TRIM25: variants seen among roughly 807,000 people sequenced by gnomAD.
TRIM25 encodes tripartite motif containing 25, also known as E3 ubiquitin/ISG15 ligase TRIM25.
Under a neutral mutation model 65.2 loss-of-function variants are expected in TRIM25, and 45 were observed. The ratio of observed to expected loss-of-function variants is 0.69; its 90% CI spans 0.54 to 0.89. The LOEUF (loss-of-function observed/expected upper bound fraction) is 0.89. Ranked by LOEUF, TRIM25 falls within the 40% of genes least tolerant of loss-of-function variation. The probability of loss-of-function intolerance (pLI) is 0.00; values close to 1 mark genes in which losing one functional copy is unlikely to be tolerated. For missense variants in TRIM25, 714 were observed against 803.7 expected (o/e 0.89, Z 1.35); for synonymous variants, 321 against 340.4 (o/e 0.94, Z 0.63).
At chr17:56,904,573 T>G in intron 2 of TRIM25, 85 bp from the exon 3 acceptor site, 3 of 1,224,928 alleles carry the variant, frequency 2.4e-6, no homozygotes, top group Non-Finnish European at 3.5e-6. Context: ...GATGTGGAGT[T>G]CCAGGAACTC....
Position 56,895,619 on chromosome 17 carries a change from A to G in TRIM25, c.1181-15T>C, listed in dbSNP as rs764050099. The G allele has an allele frequency of 3.9e-6, 6 of 1,547,008 alleles. No individual in the cohort carries two copies. On this transcript the variant is annotated splice_polypyrimidine_tract_variant and intron_variant, in intron 6 of 8. Transcript: ENST00000316881. ...AGGGACAGGGGCTGGGGGTAAGGAA[A>G]GGGAAATATGATACAGAGCAACGGG... is the stretch of plus-strand genomic sequence containing the variant.
chr17:56,889,943 C>T lies in TRIM25; in HGVS notation c.*1757G>A, dbSNP rs145393283. On this transcript the variant is annotated 3_prime_UTR_variant, in exon 9 of 9. Coordinates refer to ENST00000316881, the MANE Select transcript of TRIM25 (RefSeq NM_005082.5). ...TTTCCTACAAAGATTATTGCTCTCC[C>T]GAGGAACTGAAAATCCTTGTTAGGA... The T allele has an allele frequency of 1.0e-5, 4 of 398,490 alleles. No homozygotes were observed. Among genetic ancestry groups the T allele is most frequent in the African/African-American group, 2.1e-5 (1 of 48,712 alleles). 24.7% of individuals were successfully genotyped at this position (398,490 alleles called of 1,614,324 possible). A position where few individuals can be genotyped will look rare whatever the true frequency, so the allele number is the denominator to read the frequency against.
At chr17:56,905,723 C>T (rs547902117) in intron 2 of TRIM25, among the ~76,000 whole-genome samples, 4 of 152,178 alleles carry the variant, frequency 2.6e-5, no homozygotes, top group South Asian at 4.2e-4. Flanking sequence ...CTTGGGAGAC[C>T]GAGGCAGGAG....
chr17:56,899,133 G>T lies in TRIM25; in HGVS notation c.1135C>A (p.Pro379Thr). Residue 379 changes from proline (P) to threonine (T), a missense_variant, in exon 5 of 9, where the codon CCT becomes ACT. Physicochemically the swap from Pro to Thr is conservative, Grantham distance 38. Coordinates refer to ENST00000316881, the MANE Select transcript of TRIM25 (RefSeq NM_005082.5). Reference protein sequence around the residue: ...DPASTHKSTRPVKKVSKEEKK... With the variant: ...DPASTHKSTRTVKKVSKEEKK... The stretch of plus-strand genomic sequence containing the variant: ...TACTTACTGGAGACCTTCTTCACAG[G>T]GCGTGTGGATTTGTGTGTGGACGCT... The T allele has an allele frequency of 1.2e-6, 2 of 1,614,162 alleles. No homozygotes were observed. The highest frequency in any genetic ancestry group is 1.7e-6 in the Non-Finnish European group (2 of 1,180,034).
intron 4 of TRIM25, 151 bp downstream of exon 4, chr17:56,901,268 G>T: frequency 1.2e-6 from 1 of 863,430 alleles, no homozygotes; most frequent in Non-Finnish European, 1.7e-6. Context: ...CTCCCCACCA[G>T]CCTCCAGACA....
chr17:56,895,104 A>G (rs1237366918), intron 8 of TRIM25, among the ~76,000 whole-genome samples: 1 of 152,228 alleles, frequency 6.6e-6, no homozygotes, highest in African/African-American at 2.4e-5. Flanking sequence ...GGTGAGCTCA[A>G]TTGGGCCAGA....
rs571248866 is a variant in TRIM25, at chr17:56,890,473, G to T, written c.*1227C>A. 1.9e-4 allele frequency: 76 copies of T among 397,540 alleles called. 1 individual carries two copies. Among genetic ancestry groups the T allele is most frequent in the South Asian group, 1.3e-3 (71 of 55,324 alleles). The allele number at this position is 397,540 out of a possible 1,614,324, so 24.6% of individuals were successfully genotyped here. A position where few individuals can be genotyped will look rare whatever the true frequency, so the allele number is the denominator to read the frequency against. On this transcript the variant is annotated 3_prime_UTR_variant, in exon 9 of 9. Transcript: ENST00000316881. ...GGGCCAGCCCCAGGCTCTGACTCAC[G>T]CAAGGGCCAGTGCTGGGTCTGCAGC...
Position 56,913,841 on chromosome 17 carries a change from A to C in TRIM25, c.148T>G (p.Cys50Gly). Residue 50 changes from cysteine (C) to glycine (G), a missense_variant, in exon 1 of 9, where the codon TGC (cysteine) becomes GGC (glycine). Cys to Gly is a radical substitution (Grantham distance 159). Around this residue, in one of 3 missense-constraint regions of TRIM25, gnomAD observed 291 missense variants for 281.8 expected, o/e 1.03. Coordinates refer to ENST00000316881, the MANE Select transcript of TRIM25 (RefSeq NM_005082.5). The surrounding 1 kb of genome is among the most constrained non-coding windows in gnomAD (Gnocchi z 6.1). ...TWAVQGSPYL[C>G]PQCRAVYQAR... ...TGGTAGACGGCGCGGCACTGCGGGC[A>C]CAGGTATGGCGAGCCCTGGACTGCC... 1 of 1,561,568 alleles carries C rather than the reference A, an allele frequency of 6.4e-7. No homozygotes were observed. Among genetic ancestry groups the C allele is most frequent in the Non-Finnish European group, 8.7e-7 (1 of 1,153,246 alleles).
chr17:56,897,199 T>C (rs1461280177), intron 5 of TRIM25, among the ~76,000 whole-genome samples: 2 of 152,214 alleles, frequency 1.3e-5, no homozygotes, highest in East Asian at 1.9e-4. Context: ...CAATCTGTGA[T>C]GTACAAGCCC....
rs772666533 is a variant in TRIM25 at position 56,913,844 on chromosome 17, G to C, written c.145C>G (p.Leu49Val). 3.8e-6 allele frequency: 6 copies of C among 1,561,720 alleles called. No homozygotes were observed. Among genetic ancestry groups the C allele is most frequent in the South Asian group, 1.2e-5 (1 of 85,428 alleles). ...ETWAVQGSPY[L>V]CPQCRAVYQA... ...TAGACGGCGCGGCACTGCGGGCACA[G>C]GTATGGCGAGCCCTGGACTGCCCAC... The change falls in exon 1 of 9, where the codon CTG (leucine) becomes GTG (valine). Residue 49 changes from leucine to valine, a missense_variant. Leu to Val is a conservative substitution (Grantham distance 32). Coordinates refer to ENST00000316881, the MANE Select transcript of TRIM25 (RefSeq NM_005082.5). The surrounding 1 kb of genome is among the most constrained non-coding windows in gnomAD (Gnocchi z 6.1).
chr17:56,897,327 G>A (rs1909313901), intron 5 of TRIM25, among the ~76,000 whole-genome samples: 1 of 152,114 alleles, frequency 6.6e-6, no homozygotes, highest in African/African-American at 2.4e-5. Context: ...CTGCCCACCT[G>A]CAGGACACCT....
At position 56,889,804 on chromosome 17, in the gene TRIM25, G is replaced by A; in HGVS notation, c.*1896C>T. ...AAGGCTTTCGTTTCAGAAAATCAAT[G>A]AAGATGCTTTTGATCATCTTCAAAA... On this transcript the variant is annotated 3_prime_UTR_variant, in exon 9 of 9. Coordinates refer to ENST00000316881, the MANE Select transcript of TRIM25 (RefSeq NM_005082.5). The A allele has an allele frequency of 2.5e-6, 1 of 398,594 alleles. No individual in the cohort carries two copies. The highest frequency in any genetic ancestry group is 4.4e-6 in the Non-Finnish European group (1 of 226,064). 24.7% of individuals were successfully genotyped at this position (398,594 alleles called of 1,614,324 possible).
chr17:56,887,931 A>G lies in TRIM25; in HGVS notation c.*3769T>C, dbSNP rs1198982567. 6.6e-6 allele frequency: 1 copy of G among 152,256 alleles called. No homozygotes were observed. Among genetic ancestry groups the G allele is most frequent in the Non-Finnish European group, 1.5e-5 (1 of 68,054 alleles). 9.4% of individuals were successfully genotyped at this position (152,256 alleles called of 1,614,324 possible). ...GACTATACTTATGATTAGTTTTATT[A>G]TAAAGGATACAAATCAGCTCCACAA... On this transcript the variant is annotated 3_prime_UTR_variant, in exon 9 of 9. Transcript: ENST00000316881.
In TRIM25 at chr17:56,913,953, C is replaced by T. The variant is rs772713965; in HGVS notation, c.36G>A (p.Ser12=). 3.2e-6 allele frequency: 5 copies of T among 1,582,724 alleles called. 1 individual carries two copies. In the South Asian group the frequency reaches 3.4e-5, roughly 11 times the overall value. ...TGAAGGGCTCCAGGCAGATGGAGCACGACAGCTCCTCGGCCAGGGGGCACA... is the reference window on the plus strand; with the variant it reads ...TGAAGGGCTCCAGGCAGATGGAGCATGACAGCTCCTCGGCCAGGGGGCACA... The part of the protein sequence containing the change: ...AELCPLAEEL[S]CSICLEPFKE... The change falls in exon 1 of 9, where the codon TCG becomes TCA. Residue 12 remains serine, a synonymous_variant. Coordinates refer to ENST00000316881, the MANE Select transcript of TRIM25 (RefSeq NM_005082.5). This position sits in a 1 kb window ranked among gnomAD's most constrained non-coding sequence, Gnocchi z 6.1.
intron 1 of TRIM25, chr17:56,912,914 A>T (rs139442170): frequency 6.5e-6 from 1 of 153,186 alleles, no homozygotes; most frequent in East Asian, 1.9e-4. Context: ...CGAGGTGGGC[A>T]GATCGCTTGA....
chr17:56,903,066 C>G (rs897998425), intron 3 of TRIM25, among the ~76,000 whole-genome samples: 6 of 152,202 alleles, frequency 3.9e-5, no homozygotes, highest in African/African-American at 1.4e-4. Flanking sequence ...GCTTGTACAA[C>G]CTGTAGAACT....
At position 56,889,357 on chromosome 17, in the gene TRIM25, A is replaced by C. The variant is rs78201526; in HGVS notation, c.*2343T>G. The C allele has an allele frequency of 1.9e-4, 31 of 160,206 alleles. No homozygotes were observed. The highest frequency in any genetic ancestry group is 6.9e-4 in the African/African-American group (29 of 41,936). The allele number at this position is 160,206 out of a possible 1,614,324, so 9.9% of individuals were successfully genotyped here. A position where few individuals can be genotyped will look rare whatever the true frequency, so the allele number is the denominator to read the frequency against. ...TAGCAGGCATCTCCCCACTAATGGAATAGCAAGAGTGGTGAACAGAGCGAT... is the reference window on the plus strand; with the variant it reads ...TAGCAGGCATCTCCCCACTAATGGACTAGCAAGAGTGGTGAACAGAGCGAT... On this transcript the variant is annotated 3_prime_UTR_variant, in exon 9 of 9. Transcript: ENST00000316881.
Position 56,913,441 on chromosome 17 carries a change from T to G in TRIM25, c.548A>C (p.His183Pro). 6.2e-7 allele frequency: 1 copy of G among 1,605,820 alleles called. No homozygotes were observed. Among genetic ancestry groups the G allele is most frequent in the Non-Finnish European group, 8.5e-7 (1 of 1,174,648 alleles). Residue 183 changes from histidine to proline, a missense_variant, in exon 1 of 9, where the codon CAT (histidine) becomes CCT (proline). By Grantham distance (77) the His-to-Pro change is moderately conservative. This residue lies in a region of TRIM25 where 291 missense variants were observed against 281.8 expected (regional missense o/e 1.03). Coordinates refer to ENST00000316881, the MANE Select transcript of TRIM25 (RefSeq NM_005082.5). This position sits in a 1 kb window ranked among gnomAD's most constrained non-coding sequence, Gnocchi z 6.1. ...ECICHICLVEHKTCSPASLSQ... is the reference protein window; with the variant it reads ...ECICHICLVEPKTCSPASLSQ... ...CAGGGACGCGGGAGAGCAGGTCTTA[T>G]GCTCCACCAGGCAGATGTGGCAGAT...
chr17:56,910,470 C>T (rs78287074), intron 1 of TRIM25, among the ~76,000 whole-genome samples: 2,371 of 152,328 alleles, frequency 0.016, 22 homozygotes, highest in Non-Finnish European at 0.023. Context: ...TACATCCGGC[C>T]TTGCTGGCCT....
Sources: allele counts gnomAD v4.1 joint callset (sites outside exome capture counted in the v4.1 genomes callset), GRCh38; gene constraint gnomAD v4.1.1; regional missense constraint gnomAD v4.1.1; non-coding constraint Gnocchi (gnomAD v3.1); transcripts MANE v1.5; gene names NCBI Gene and HGNC (gene_info 2026-07-23, HGNC 2026-07-21).